EYS: variants seen among roughly 807,000 people sequenced by gnomAD.
The protein encoded by EYS is protein eyes shut homolog.
In EYS, 250 loss-of-function variants were observed where a neutral mutation model predicts 282.1. That is an observed-to-expected ratio of 0.89 (90% CI 0.80 to 0.98). The LOEUF is 0.98. Among genes scored for constraint, EYS ranks in the 50% least tolerant of loss-of-function variants. The probability of loss-of-function intolerance (pLI) is 0.00; values close to 1 mark genes in which losing one functional copy is unlikely to be tolerated. For synonymous variants in EYS, 1,355 were observed against 1,282.9 expected (o/e 1.06, Z -1.20); for missense variants, 4,016 against 3,709.0 (o/e 1.08, Z -2.15).
At chr6:64,581,397 A>C (rs1582918145) in intron 26 of EYS, among the ~76,000 whole-genome samples, 1 of 152,238 alleles carries the variant, frequency 6.6e-6, no homozygotes, top group African/African-American at 2.4e-5. Flanking sequence ...TGTTCAAAAA[A>C]GTAGAGAAAA....
intron 35 of EYS, among the ~76,000 whole-genome samples, chr6:63,912,491 T>C (rs1386736711): frequency 2.6e-5 from 4 of 152,216 alleles, no homozygotes; most frequent in African/African-American, 7.2e-5. Context: ...TATTTTACTT[T>C]TAAAAAATGT....
At chr6:65,446,360 C>T (rs1235171934) in intron 5 of EYS, among the ~76,000 whole-genome samples, 1 of 151,702 alleles carries the variant, frequency 6.6e-6, no homozygotes, top group African/African-American at 2.4e-5. Flanking sequence ...TGTGTTTAAA[C>T]TATATTAACT....
chr6:64,450,154 G>A (rs977778538), intron 26 of EYS, among the ~76,000 whole-genome samples: 4 of 151,806 alleles, frequency 2.6e-5, no homozygotes, highest in Admixed American at 6.6e-5. Context: ...ATAAAGGGAT[G>A]GAAGAAGATC....
intron 2 of EYS, among the ~76,000 whole-genome samples, chr6:65,516,364 A>C (rs1364243408): frequency 1.3e-5 from 2 of 152,080 alleles, no homozygotes; most frequent in Non-Finnish European, 2.9e-5. Context: ...CCTCACAGCT[A>C]TTTAAGTACT....
At chr6:64,494,178 A>C (rs1297930745) in intron 26 of EYS, among the ~76,000 whole-genome samples, 1 of 151,546 alleles carries the variant, frequency 6.6e-6, no homozygotes, top group Non-Finnish European at 1.5e-5. Flanking sequence ...TTGTCTCAAG[A>C]GGGGAAATTG....
chr6:64,885,271 C>A (rs1310114142), intron 19 of EYS, among the ~76,000 whole-genome samples: 2 of 151,540 alleles, frequency 1.3e-5, no homozygotes, highest in Middle Eastern at 3.2e-3. Flanking sequence ...CTGGTAACAT[C>A]TTAGATAATA....
chr6:65,441,818 T>A (rs926554929), intron 5 of EYS, among the ~76,000 whole-genome samples: 2 of 152,066 alleles, frequency 1.3e-5, no homozygotes, highest in Admixed American at 6.6e-5. Context: ...AGAAATGAAT[T>A]GACCTTTGCA....
At chr6:64,038,430 T>C (rs980687425) in intron 33 of EYS, among the ~76,000 whole-genome samples, 9 of 152,156 alleles carry the variant, frequency 5.9e-5, no homozygotes, top group African/African-American at 2.2e-4. Flanking sequence ...ACATGATAAA[T>C]ATATATGATT....
intron 19 of EYS, among the ~76,000 whole-genome samples, chr6:64,848,878 T>C (rs2150040257): frequency 6.6e-6 from 1 of 152,260 alleles, no homozygotes; most frequent in East Asian, 1.9e-4. Context: ...TTCAATGTTA[T>C]TTATCAGATG....
At chr6:65,083,539 C>G in intron 12 of EYS, among the ~76,000 whole-genome samples, 1 of 151,870 alleles carries the variant, frequency 6.6e-6, no homozygotes, top group Non-Finnish European at 1.5e-5. Flanking sequence ...AATGATTTGT[C>G]TGTAGCAGAT....
intron 22 of EYS, among the ~76,000 whole-genome samples, chr6:64,758,694 C>G (rs111472187): frequency 1.2e-4 from 19 of 152,146 alleles, no homozygotes; most frequent in African/African-American, 4.6e-4. Context: ...CAACAGATTT[C>G]TTTTCTTTCA....
intron 2 of EYS, among the ~76,000 whole-genome samples, chr6:65,639,073 C>T (rs933617949): frequency 2.6e-5 from 4 of 152,080 alleles, no homozygotes; most frequent in Non-Finnish European, 5.9e-5. Context: ...TGGCAGGATA[C>T]TAGAACAAGC....
At chr6:63,832,925 T>C (rs952188498) in intron 36 of EYS, among the ~76,000 whole-genome samples, 1 of 152,106 alleles carries the variant, frequency 6.6e-6, no homozygotes, top group African/African-American at 2.4e-5. Flanking sequence ...AGCAAATCAA[T>C]AAATGGAATC....
intron 31 of EYS, among the ~76,000 whole-genome samples, chr6:64,192,818 T>A (rs1407115492): frequency 4.6e-5 from 7 of 152,198 alleles, no homozygotes; most frequent in African/African-American, 1.7e-4. Context: ...AATGGAGAGG[T>A]ACAAGTTTGC....
chr6:64,305,301 T>C (rs1368012022), intron 30 of EYS, among the ~76,000 whole-genome samples: 2 of 151,258 alleles, frequency 1.3e-5, no homozygotes, highest in African/African-American at 2.4e-5. Flanking sequence ...TGTTTATGAA[T>C]TGGAAAAAAG....
chr6:63,879,908 A>G lies in EYS; in HGVS notation c.7056-15550T>C, dbSNP rs117468070. On this transcript the variant is annotated intron_variant, in intron 35 of 42. Coordinates refer to ENST00000503581, the MANE Select transcript of EYS (RefSeq NM_001142800.2). ...CAGGGGTGTGGTCACCTTCTATTTG[A>G]AGTCATAACATTTTTTCCTTAGGTT... 8.3e-4 allele frequency among the ~76,000 whole-genome samples: 127 copies of G among 152,302 alleles called. 1 individual carries two copies. In the East Asian group the frequency reaches 0.023, roughly 28 times the overall value.
Position 63,762,536 on chromosome 6 carries a change from C to G in EYS, c.7996G>C (p.Ala2666Pro). Residue 2666 changes from alanine (A) to proline (P), a missense_variant, in exon 41 of 43, where the codon GCA becomes CCA. Transcript: ENST00000503581. The part of the protein sequence containing the change: ...HDPPHHCSRG[A>P]TCISLPHGYT... The stretch of plus-strand genomic sequence containing the variant: ...CCATGAGGTAATGAAATGCAGGTTG[C>G]TCCTCTGCTACAGTGGTGTGGAGGG... 1 of 1,550,430 alleles carries G rather than the reference C, an allele frequency of 6.4e-7. No homozygotes were observed. The highest frequency in any genetic ancestry group is 8.7e-7 in the Non-Finnish European group (1 of 1,146,112).
At chr6:63,752,785 G>A (rs1051355128) in intron 41 of EYS, among the ~76,000 whole-genome samples, 11 of 151,952 alleles carry the variant, frequency 7.2e-5, no homozygotes, top group African/African-American at 1.2e-4. Flanking sequence ...GTGAGCCACC[G>A]CGCCTGCCCT....
chr6:64,513,192 T>C (rs913548727), intron 26 of EYS, among the ~76,000 whole-genome samples: 3 of 151,892 alleles, frequency 2.0e-5, no homozygotes, highest in Non-Finnish European at 2.9e-5. Flanking sequence ...ATTTTCATAA[T>C]AGATAATTAA....
Sources: gnomAD v4.1 joint callset for allele counts (sites outside exome capture counted in the v4.1 genomes callset) on GRCh38, gnomAD v4.1.1 for gene constraint, MANE v1.5 for transcripts, NCBI Gene and HGNC (gene_info 2026-07-23, HGNC 2026-07-21) for gene names.